HTR1F: variants seen among roughly 807,000 people sequenced by gnomAD.
HTR1F encodes 5-hydroxytryptamine (serotonin) receptor 1F, G protein-coupled.
HTR1F carries 17 observed loss-of-function variants against 24.0 expected under a neutral mutation model. The ratio of observed to expected loss-of-function variants is 0.71; its 90% CI spans 0.48 to 1.06. The LOEUF (loss-of-function observed/expected upper bound fraction) is 1.06. Ranked by LOEUF, HTR1F falls within the 50% of genes least tolerant of loss-of-function variation. The probability of loss-of-function intolerance (pLI) is 0.00; values close to 1 mark genes in which losing one functional copy is unlikely to be tolerated. For missense variants in HTR1F, 391 were observed against 427.8 expected (o/e 0.91, Z 0.76); for synonymous variants, 186 against 156.8 (o/e 1.19, Z -1.39).
At chr3:87,845,798 C>G (rs1383014609) in intron 2 of HTR1F, among the ~76,000 whole-genome samples, 1 of 151,898 alleles carries the variant, frequency 6.6e-6, no homozygotes, top group Non-Finnish European at 1.5e-5. Flanking sequence ...CTCGCTATTA[C>G]CATGCATTGC....
intron 2 of HTR1F, among the ~76,000 whole-genome samples, chr3:87,944,993 C>T (rs62267051): frequency 4.6e-3 from 703 of 152,256 alleles, no homozygotes; most frequent in Middle Eastern, 0.014. Context: ...TTTACCCTGG[C>T]TTTTAAAGGA....
intron 2 of HTR1F, among the ~76,000 whole-genome samples, chr3:87,954,360 C>T (rs1559647512): frequency 6.6e-6 from 1 of 151,586 alleles, no homozygotes; most frequent in Non-Finnish European, 1.5e-5. Flanking sequence ...ACTAGAAACT[C>T]TAAGAAAAGC....
chr3:87,975,452 T>C (rs1411604654), intron 2 of HTR1F, among the ~76,000 whole-genome samples: 1 of 152,188 alleles, frequency 6.6e-6, no homozygotes, highest in African/African-American at 2.4e-5. Flanking sequence ...TTTCTTATCA[T>C]TCAAATACAG....
intron 2 of HTR1F, among the ~76,000 whole-genome samples, chr3:87,920,267 G>A (rs1456612038): frequency 2.0e-5 from 3 of 151,942 alleles, no homozygotes; most frequent in South Asian, 2.1e-4. Flanking sequence ...TGGGAAGGGG[G>A]TGAGGGATAA....
chr3:87,796,797 T>C (rs1703913335), intron 1 of HTR1F, among the ~76,000 whole-genome samples: 1 of 152,238 alleles, frequency 6.6e-6, no homozygotes, highest in Non-Finnish European at 1.5e-5. Flanking sequence ...GATTGATCTT[T>C]AAGAATTGAG....
chr3:87,848,857 A>G (rs1231954741), intron 2 of HTR1F, among the ~76,000 whole-genome samples: 1 of 151,708 alleles, frequency 6.6e-6, no homozygotes, highest in Non-Finnish European at 1.5e-5. Flanking sequence ...CCCATTCACA[A>G]TTGCTTCAAA....
chr3:87,864,541 G>A (rs1450304028), intron 2 of HTR1F, among the ~76,000 whole-genome samples: 1 of 152,090 alleles, frequency 6.6e-6, no homozygotes, highest in African/African-American at 2.4e-5. Context: ...AAGACTGTAG[G>A]TATTCTACTG....
At chr3:87,831,934 A>G (rs1172288159) in intron 2 of HTR1F, among the ~76,000 whole-genome samples, 2 of 152,214 alleles carry the variant, frequency 1.3e-5, no homozygotes, top group East Asian at 1.9e-4. Flanking sequence ...AACTGCATGA[A>G]GTAGGTACTA....
chr3:87,924,685 ATAT>A (rs1704084422), intron 2 of HTR1F, among the ~76,000 whole-genome samples: 1 of 152,102 alleles, frequency 6.6e-6, no homozygotes, highest in South Asian at 2.1e-4. Flanking sequence ...CACTTTGAAC[ATAT>A]TATCCATTGT....
intron 1 of HTR1F, among the ~76,000 whole-genome samples, chr3:87,805,827 C>T (rs1288755941): frequency 6.6e-6 from 1 of 152,040 alleles, no homozygotes; most frequent in Non-Finnish European, 1.5e-5. Flanking sequence ...ATGAAATATG[C>T]AATACACTGT....
chr3:87,797,345 TA>T (rs1181645510), intron 1 of HTR1F, among the ~76,000 whole-genome samples: 1 of 152,182 alleles, frequency 6.6e-6, no homozygotes, highest in Non-Finnish European at 1.5e-5. Context: ...ATCTGGGTGT[TA>T]AAATTATTAG....
At chr3:87,919,302 C>CA (rs1703961122) in intron 2 of HTR1F, among the ~76,000 whole-genome samples, 1 of 151,902 alleles carries the variant, frequency 6.6e-6, no homozygotes, top group Admixed American at 6.6e-5. Flanking sequence ...CCCTTCTAGA[C>CA]AATGGCTTAG....
intron 2 of HTR1F, among the ~76,000 whole-genome samples, chr3:87,856,555 G>A (rs1482395371): frequency 6.6e-6 from 1 of 151,994 alleles, no homozygotes; most frequent in African/African-American, 2.4e-5. Context: ...GTGTAATATT[G>A]ACTTGACATT....
chr3:87,913,316 C>T (rs1703821522), intron 2 of HTR1F, among the ~76,000 whole-genome samples: 1 of 152,108 alleles, frequency 6.6e-6, no homozygotes, highest in South Asian at 2.1e-4. Context: ...AGACATGTTG[C>T]CAACAGTGAT....
At chr3:87,846,594 A>AT (rs1200266980) in intron 2 of HTR1F, among the ~76,000 whole-genome samples, 8 of 151,914 alleles carry the variant, frequency 5.3e-5, no homozygotes, top group African/African-American at 1.7e-4. Context: ...CAGCATTTCA[A>AT]TTTTTTTGTT....
At chr3:87,886,256 T>C (rs1331632500) in intron 2 of HTR1F, among the ~76,000 whole-genome samples, 1 of 152,118 alleles carries the variant, frequency 6.6e-6, no homozygotes, top group Non-Finnish European at 1.5e-5. Context: ...ATTATCTCAA[T>C]AGATGCAGAA....
intron 2 of HTR1F, among the ~76,000 whole-genome samples, chr3:87,919,326 G>A (rs189715179): frequency 6.6e-6 from 1 of 152,040 alleles, no homozygotes; most frequent in Non-Finnish European, 1.5e-5. Context: ...AAGATTTTAT[G>A]ACCAAGAACC....
intron 2 of HTR1F, among the ~76,000 whole-genome samples, chr3:87,946,786 C>T (rs993252552): frequency 3.7e-4 from 56 of 151,962 alleles, no homozygotes; most frequent in African/African-American, 1.3e-3. Flanking sequence ...CTACCACGCC[C>T]AGCTAATTTT....
intron 2 of HTR1F, among the ~76,000 whole-genome samples, chr3:87,847,012 T>C (rs1704960316): frequency 1.3e-5 from 2 of 151,558 alleles, no homozygotes; most frequent in South Asian, 2.1e-4. Flanking sequence ...TTAAGATATA[T>C]TGGGGAAAAA....
Sources: allele counts gnomAD v4.1 joint callset (sites outside exome capture counted in the v4.1 genomes callset), GRCh38; gene constraint gnomAD v4.1.1; transcripts MANE v1.5; gene names NCBI Gene and HGNC (gene_info 2026-07-23, HGNC 2026-07-21).